CCDC102B: variants seen among roughly 807,000 people sequenced by gnomAD.
CCDC102B encodes coiled-coil domain-containing protein 102B.
In CCDC102B, 75 loss-of-function variants were observed where a neutral mutation model predicts 57.4. The observed-to-expected ratio is 1.31, with a 90% confidence interval of 1.08 to 1.58. The LOEUF (loss-of-function observed/expected upper bound fraction) is 1.58, where lower values mean the gene tolerates loss of function less well. Ranked by LOEUF, CCDC102B falls within the 40% of genes most tolerant of loss-of-function variation. The probability of loss-of-function intolerance (pLI) is 0.00; values close to 1 mark genes in which losing one functional copy is unlikely to be tolerated. For synonymous variants in CCDC102B, 206 were observed against 201.9 expected (o/e 1.02, Z -0.17); for missense variants, 636 against 582.6 (o/e 1.09, Z -0.94).
chr18:68,787,860 C>G (rs1416201925), intron 2 of CCDC102B, among the ~76,000 whole-genome samples: 3 of 151,686 alleles, frequency 2.0e-5, no homozygotes, highest in Admixed American at 2.0e-4. Flanking sequence ...TTATTTCTTG[C>G]CTTCTGCTAG....
intron 1 of CCDC102B, among the ~76,000 whole-genome samples, chr18:68,823,874 A>C (rs1480762773): frequency 6.6e-6 from 1 of 151,912 alleles, no homozygotes; most frequent in Non-Finnish European, 1.5e-5. Flanking sequence ...ATGTATGTTC[A>C]TGTCCTTCGC....
At chr18:69,001,163 A>T (rs1674948344) in intron 6 of CCDC102B, among the ~76,000 whole-genome samples, 1 of 152,072 alleles carries the variant, frequency 6.6e-6, no homozygotes, top group African/African-American at 2.4e-5. Flanking sequence ...TCCTCTTCAT[A>T]TCACAATTTT....
intron 2 of CCDC102B, among the ~76,000 whole-genome samples, chr18:68,741,704 CACACACACA>C (rs1568227141): frequency 9.7e-4 from 114 of 117,206 alleles, no homozygotes; most frequent in Admixed American, 7.6e-3. Context: ...CACACACACA[CACACACACA>C]CCCCAAGACA....
At chr18:68,996,164 A>G (rs1299724977) in intron 6 of CCDC102B, among the ~76,000 whole-genome samples, 1 of 152,158 alleles carries the variant, frequency 6.6e-6, no homozygotes, top group African/African-American at 2.4e-5. Context: ...AGACCCACCT[A>G]CAATCAGGGT....
intron 6 of CCDC102B, among the ~76,000 whole-genome samples, chr18:68,913,956 C>G (rs2040974193): frequency 6.6e-6 from 1 of 152,140 alleles, no homozygotes; most frequent in African/African-American, 2.4e-5. Context: ...AGGGTGCTTT[C>G]TGAAGTAAAA....
At chr18:68,844,519 T>C (rs1158459765) in intron 3 of CCDC102B, among the ~76,000 whole-genome samples, 1 of 151,846 alleles carries the variant, frequency 6.6e-6, no homozygotes, top group Non-Finnish European at 1.5e-5. Flanking sequence ...TCTTAAACAT[T>C]CCAATGAAGT....
chr18:68,887,735 T>C (rs1371850957), intron 5 of CCDC102B, among the ~76,000 whole-genome samples: 1 of 152,240 alleles, frequency 6.6e-6, no homozygotes, highest in Non-Finnish European at 1.5e-5. Context: ...TCCAGAATCC[T>C]AAAGTTTTAA....
intron 1 of CCDC102B, among the ~76,000 whole-genome samples, chr18:68,829,917 G>A (rs578059337): frequency 1.3e-5 from 2 of 151,940 alleles, no homozygotes; most frequent in African/African-American, 4.8e-5. Context: ...GATTTTAAAT[G>A]TAAAAACAAC....
intron 6 of CCDC102B, among the ~76,000 whole-genome samples, chr18:68,923,349 A>G (rs2041353166): frequency 6.6e-6 from 1 of 151,966 alleles, no homozygotes; most frequent in African/African-American, 2.4e-5. Flanking sequence ...AAATGTATAT[A>G]TGTATTTTTA....
At chr18:68,806,049 A>C (rs1409640678) in intron 1 of CCDC102B, among the ~76,000 whole-genome samples, 1 of 150,168 alleles carries the variant, frequency 6.7e-6, no homozygotes, top group Admixed American at 6.6e-5. Flanking sequence ...AGCAGATTAC[A>C]AGCCCATAAT....
intron 1 of CCDC102B, among the ~76,000 whole-genome samples, chr18:68,814,733 T>C (rs2036409804): frequency 6.6e-6 from 1 of 152,038 alleles, no homozygotes; most frequent in Non-Finnish European, 1.5e-5. Context: ...TTGAAAAATA[T>C]AAATAGTCCC....
chr18:68,986,235 A>G (rs888534197), intron 6 of CCDC102B, among the ~76,000 whole-genome samples: 1 of 152,196 alleles, frequency 6.6e-6, no homozygotes, highest in African/African-American at 2.4e-5. Flanking sequence ...CCTGGTGAAC[A>G]TTGACACAAA....
chr18:69,040,081 C>T (rs1560475), intron 7 of CCDC102B, among the ~76,000 whole-genome samples: 124,965 of 151,742 alleles, frequency 0.82, 53,667 homozygotes, highest in Non-Finnish European at 0.95. Flanking sequence ...TATAAGGTAC[C>T]CTTATTTAAC....
rs573099797 is a variant in CCDC102B, at chr18:68,827,267, G to A, written c.-15-9482G>A. On this transcript the variant is annotated intron_variant, in intron 1 of 7. Transcript: ENST00000360242. ...ATCAAATAGAAATATGAATCTATAAGATAGAATATCTTTCTCATTTGTTTT... is the reference window on the plus strand; with the variant it reads ...ATCAAATAGAAATATGAATCTATAAAATAGAATATCTTTCTCATTTGTTTT... Among the ~76,000 whole-genome samples, 155 of 152,146 alleles carry A rather than the reference G, an allele frequency of 1.0e-3. 2 individuals are homozygous for A. Among genetic ancestry groups the A allele is most frequent in the Non-Finnish European group, 1.9e-3 (130 of 67,940 alleles).
intron 7 of CCDC102B, among the ~76,000 whole-genome samples, chr18:69,011,471 CTTA>C (rs1334909550): frequency 4.0e-5 from 6 of 151,378 alleles, no homozygotes; most frequent in Non-Finnish European, 8.8e-5. Flanking sequence ...TGTGATATAT[CTTA>C]TTATTTATTA....
intron 2 of CCDC102B, among the ~76,000 whole-genome samples, chr18:68,733,499 TA>T (rs1200763260): frequency 5.6e-5 from 5 of 89,508 alleles, no homozygotes; most frequent in African/African-American, 2.6e-4. Context: ...TATATATATA[TA>T]TATATATTTT....
chr18:68,770,131 A>C (rs553470698), intron 2 of CCDC102B, among the ~76,000 whole-genome samples: 1 of 152,198 alleles, frequency 6.6e-6, no homozygotes, highest in Non-Finnish European at 1.5e-5. Flanking sequence ...TCAGATGACT[A>C]TAGTGGCTCC....
chr18:69,032,218 A>G (rs994409137), intron 7 of CCDC102B, among the ~76,000 whole-genome samples: 3 of 152,204 alleles, frequency 2.0e-5, no homozygotes, highest in African/African-American at 7.2e-5. Flanking sequence ...GAAAGCAGAC[A>G]TCTGTTGTGC....
chr18:68,827,975 C>G (rs2036972392), intron 1 of CCDC102B, among the ~76,000 whole-genome samples: 2 of 151,816 alleles, frequency 1.3e-5, no homozygotes, highest in Admixed American at 6.6e-5. Flanking sequence ...CCAACACAGA[C>G]ACGGAGGGAA....
Sources: gnomAD v4.1 joint callset for allele counts (sites outside exome capture counted in the v4.1 genomes callset) on GRCh38, gnomAD v4.1.1 for gene constraint, MANE v1.5 for transcripts, NCBI Gene and HGNC (gene_info 2026-07-23, HGNC 2026-07-21) for gene names.